KCNB2: variants seen among roughly 807,000 people sequenced by gnomAD.
KCNB2 encodes delayed rectifier potassium channel protein.
KCNB2 carries 15 observed loss-of-function variants against 61.5 expected under a neutral mutation model. The ratio of observed to expected loss-of-function variants is 0.24; its 90% confidence interval spans 0.16 to 0.38. The LOEUF (loss-of-function observed/expected upper bound fraction) is 0.38. KCNB2 is among the 10% of genes least tolerant of loss of function. The probability of loss-of-function intolerance (pLI) is 1.00; values close to 1 mark genes in which losing one functional copy is unlikely to be tolerated. For synonymous variants in KCNB2, 457 were observed against 446.0 expected (o/e 1.02, Z -0.31); for missense variants, 828 against 1,125.2 (o/e 0.74, Z 3.78).
At chr8:72,645,936 A>T (rs1240589037) in intron 2 of KCNB2, among the ~76,000 whole-genome samples, 1 of 152,186 alleles carries the variant, frequency 6.6e-6, no homozygotes, top group Non-Finnish European at 1.5e-5. Flanking sequence ...ACAGAATGGT[A>T]TGTTAGGCCA....
At chr8:72,757,071 G>A (rs994065317) in intron 2 of KCNB2, among the ~76,000 whole-genome samples, 2 of 152,110 alleles carry the variant, frequency 1.3e-5, no homozygotes, top group African/African-American at 4.8e-5. Flanking sequence ...ATTATCTTAG[G>A]AGAGCAAGTG....
chr8:72,774,760 A>C (rs1282770630), intron 2 of KCNB2, among the ~76,000 whole-genome samples: 1 of 152,152 alleles, frequency 6.6e-6, no homozygotes, highest in African/African-American at 2.4e-5. Flanking sequence ...TATTACCCTG[A>C]GTTATATACA....
rs1157263659 is a variant in KCNB2 at position 72,561,761 on chromosome 8, GGATATA to G, written c.-93-5880_-93-5875del. ...TATATATATATGTATATATATATAT[GGATATA>G]TATATATATGGATATATATATACAT... is the stretch of plus-strand genomic sequence containing the variant. On this transcript the variant is annotated intron_variant, in intron 1 of 2. Coordinates refer to ENST00000523207, the MANE Select transcript of KCNB2 (RefSeq NM_004770.3). Among the ~76,000 whole-genome samples, 39 of 24,390 alleles carry G rather than the reference GGATATA, an allele frequency of 1.6e-3. 6 individuals carry two copies. Among genetic ancestry groups the G allele is most frequent in the African/African-American group, 5.9e-3 (37 of 6,298 alleles). 16.0% of individuals were successfully genotyped at this position (24,390 alleles called of 152,430 possible).
chr8:72,554,252 C>T (rs930979115), intron 1 of KCNB2, among the ~76,000 whole-genome samples: 2 of 152,048 alleles, frequency 1.3e-5, no homozygotes, highest in Non-Finnish European at 2.9e-5. Flanking sequence ...TGCATCATCT[C>T]CCATGCTCGA....
chr8:72,718,299 C>T (rs1807482221), intron 2 of KCNB2, among the ~76,000 whole-genome samples: 1 of 152,158 alleles, frequency 6.6e-6, no homozygotes, highest in Non-Finnish European at 1.5e-5. Flanking sequence ...TTTGACCCAG[C>T]CATCCCATTA....
At chr8:72,604,426 A>T (rs988619578) in intron 2 of KCNB2, among the ~76,000 whole-genome samples, 8 of 152,196 alleles carry the variant, frequency 5.3e-5, no homozygotes, top group Admixed American at 3.9e-4. Context: ...CAAGTTTGGG[A>T]TGTGGCATTT....
chr8:72,850,333 T>C (rs1585930892), intron 2 of KCNB2, among the ~76,000 whole-genome samples: 1 of 151,926 alleles, frequency 6.6e-6, no homozygotes, highest in Admixed American at 6.6e-5. Flanking sequence ...CATCTTCCCA[T>C]ATCAGCATCC....
intron 2 of KCNB2, among the ~76,000 whole-genome samples, chr8:72,680,717 A>G (rs1419569963): frequency 6.6e-6 from 1 of 152,128 alleles, no homozygotes; most frequent in East Asian, 1.9e-4. Context: ...AAAATACAAT[A>G]ATGTTTAGCA....
chr8:72,631,075 A>G (rs1368140370), intron 2 of KCNB2, among the ~76,000 whole-genome samples: 3 of 152,220 alleles, frequency 2.0e-5, no homozygotes, highest in African/African-American at 4.8e-5. Context: ...ATGAACAACA[A>G]TAACTAATAA....
chr8:72,726,594 A>G (rs977821720), intron 2 of KCNB2, among the ~76,000 whole-genome samples: 1 of 152,208 alleles, frequency 6.6e-6, no homozygotes, highest in Admixed American at 6.5e-5. Context: ...TACACATACG[A>G]CATATCCAAT....
At chr8:72,542,859 T>A (rs769730511) in intron 1 of KCNB2, among the ~76,000 whole-genome samples, 1 of 152,204 alleles carries the variant, frequency 6.6e-6, no homozygotes. Flanking sequence ...ACTCAGCTTC[T>A]GTGTGCCAAG....
At chr8:72,541,941 A>AT (rs1203875056) in intron 1 of KCNB2, among the ~76,000 whole-genome samples, 3 of 152,020 alleles carry the variant, frequency 2.0e-5, no homozygotes, top group Non-Finnish European at 4.4e-5. Context: ...CTGAAATATA[A>AT]TTTTTTATGC....
intron 2 of KCNB2, among the ~76,000 whole-genome samples, chr8:72,671,472 A>G (rs1355064722): frequency 6.6e-6 from 1 of 152,192 alleles, no homozygotes; most frequent in Admixed American, 6.5e-5. Flanking sequence ...GTACTTACAG[A>G]TTAGCAACCT....
intron 2 of KCNB2, among the ~76,000 whole-genome samples, chr8:72,754,562 T>C (rs1391176810): frequency 6.6e-6 from 1 of 152,194 alleles, no homozygotes; most frequent in African/African-American, 2.4e-5. Flanking sequence ...TAGGTGCAGT[T>C]GCAGCAGAGT....
chr8:72,742,117 A>G (rs1445215877), intron 2 of KCNB2, among the ~76,000 whole-genome samples: 1 of 152,218 alleles, frequency 6.6e-6, no homozygotes, highest in African/African-American at 2.4e-5. Flanking sequence ...ACATGTGCTT[A>G]TATTTCAAAT....
At chr8:72,578,258 A>AT (rs965583989) in intron 2 of KCNB2, among the ~76,000 whole-genome samples, 64 of 152,280 alleles carry the variant, frequency 4.2e-4, no homozygotes, top group African/African-American at 1.5e-3. Context: ...ATTTCAGTGC[A>AT]TTTTTTAGTT....
intron 2 of KCNB2, among the ~76,000 whole-genome samples, chr8:72,774,431 A>G (rs1387106805): frequency 6.6e-6 from 1 of 152,148 alleles, no homozygotes; most frequent in Non-Finnish European, 1.5e-5. Context: ...GCTCACTGCA[A>G]ACTCCGCCTC....
intron 2 of KCNB2, among the ~76,000 whole-genome samples, chr8:72,779,914 CA>C (rs1480817339): frequency 6.6e-6 from 1 of 152,070 alleles, no homozygotes; most frequent in African/African-American, 2.4e-5. Context: ...TTTAGTTTGA[CA>C]ATGTTACTGA....
chr8:72,788,380 G>T (rs906207668), intron 2 of KCNB2, among the ~76,000 whole-genome samples: 2 of 151,982 alleles, frequency 1.3e-5, no homozygotes, highest in East Asian at 3.9e-4. Context: ...TTTTCTTTGT[G>T]CGCACATAAA....
Sources: allele counts gnomAD v4.1 joint callset (sites outside exome capture counted in the v4.1 genomes callset), GRCh38; gene constraint gnomAD v4.1.1; transcripts MANE v1.5; gene names NCBI Gene and HGNC (gene_info 2026-07-23, HGNC 2026-07-21).